The following GPC6 variants were observed in gnomAD, a reference collection of about 807,000 sequenced individuals.
GPC6 encodes the protein glypican 6, also known as glypican-6.
GPC6 carries 14 observed loss-of-function variants against 55.2 expected under a neutral mutation model. The ratio of observed to expected loss-of-function variants is 0.25; its 90% CI spans 0.17 to 0.40. GPC6 has a LOEUF of 0.40. Ranked by LOEUF, GPC6 falls within the 10% of genes least tolerant of loss-of-function variation. The probability of loss-of-function intolerance (pLI) is 1.00; values close to 1 mark genes in which losing one functional copy is unlikely to be tolerated. For synonymous variants in GPC6, 278 were observed against 259.6 expected, an observed-to-expected ratio of 1.07 and a Z score of -0.68; for missense variants, 641 against 708.5, an observed-to-expected ratio of 0.90 and a Z score of 1.08.
chr13:93,989,666 G>A (rs542468067), intron 3 of GPC6, among the ~76,000 whole-genome samples: 1 of 152,148 alleles, frequency 6.6e-6, no homozygotes, highest in African/African-American at 2.4e-5. Flanking sequence ...ATGTCAGACT[G>A]GAATTTCAAT....
At chr13:93,659,725 G>A (rs1050763465) in intron 2 of GPC6, among the ~76,000 whole-genome samples, 10 of 151,962 alleles carry the variant, frequency 6.6e-5, no homozygotes, top group African/African-American at 2.4e-4. Context: ...GAGGCACAGA[G>A]ATATTAAGTA....
chr13:93,879,041 C>CA (rs1370473429), intron 3 of GPC6, among the ~76,000 whole-genome samples: 2 of 151,984 alleles, frequency 1.3e-5, no homozygotes, highest in Non-Finnish European at 2.9e-5. Context: ...GAAGAGTAGT[C>CA]AAAAAAGCAA....
At chr13:94,188,805 T>C (rs927633134) in intron 4 of GPC6, among the ~76,000 whole-genome samples, 5 of 152,146 alleles carry the variant, frequency 3.3e-5, no homozygotes, top group African/African-American at 1.2e-4. Context: ...AGCTCCTTCA[T>C]ACTAAAGAAA....
At chr13:93,811,287 G>A (rs1048448955) in intron 2 of GPC6, among the ~76,000 whole-genome samples, 5 of 152,128 alleles carry the variant, frequency 3.3e-5, no homozygotes, top group African/African-American at 1.2e-4. Flanking sequence ...AAAGTGACAG[G>A]GAACATGGAC....
chr13:94,074,425 A>G (rs140728608), intron 4 of GPC6, among the ~76,000 whole-genome samples: 3 of 152,334 alleles, frequency 2.0e-5, no homozygotes, highest in Non-Finnish European at 4.4e-5. Flanking sequence ...CATTGTATTT[A>G]AACTACTTGA....
intron 1 of GPC6, among the ~76,000 whole-genome samples, chr13:93,507,943 A>G (rs560774387): frequency 6.6e-6 from 1 of 152,312 alleles, no homozygotes; most frequent in South Asian, 2.1e-4. Flanking sequence ...TAAAAAACTT[A>G]AGAAATCTAA....
chr13:94,007,046 T>G (rs1442664723), intron 3 of GPC6, among the ~76,000 whole-genome samples: 1 of 152,218 alleles, frequency 6.6e-6, no homozygotes, highest in Non-Finnish European at 1.5e-5. Context: ...ACTTACAAAC[T>G]AATTTTTAAA....
chr13:93,514,022 C>T (rs1251588957), intron 1 of GPC6, among the ~76,000 whole-genome samples: 2 of 151,808 alleles, frequency 1.3e-5, no homozygotes, highest in Non-Finnish European at 1.5e-5. Context: ...TACAGGCACC[C>T]ACCACCACGC....
At chr13:94,296,550 C>G (rs1875344411) in intron 5 of GPC6, among the ~76,000 whole-genome samples, 1 of 152,198 alleles carries the variant, frequency 6.6e-6, no homozygotes, top group African/African-American at 2.4e-5. Flanking sequence ...TGGCCTCTGC[C>G]CAGTCTCATA....
chr13:93,696,479 A>G (rs1276655544), intron 2 of GPC6, among the ~76,000 whole-genome samples: 2 of 152,112 alleles, frequency 1.3e-5, no homozygotes, highest in African/African-American at 2.4e-5. Context: ...ATATAACTTC[A>G]TCATTAGCTA....
In GPC6 at chr13:93,247,995, T is replaced by G. The variant is rs1203495271; in HGVS notation, c.160+20379T>G. ...TTCCATTTTGTTGTTAACACAAAAT[T>G]TAACTAATTAACTGAATCAGTTACT... is the stretch of plus-strand genomic sequence containing the variant. On this transcript the variant is annotated intron_variant, in intron 1 of 8. Transcript: ENST00000377047. 3.3e-5 allele frequency among the ~76,000 whole-genome samples: 5 copies of G among 152,298 alleles called. No individual in the cohort carries two copies. In the East Asian group the frequency reaches 7.7e-4, roughly 23 times the overall value.
intron 2 of GPC6, among the ~76,000 whole-genome samples, chr13:93,565,934 C>A (rs200433227): frequency 2.7e-3 from 364 of 134,422 alleles, no homozygotes; most frequent in Non-Finnish European, 3.2e-3. Context: ...AACAAACAAA[C>A]AAAAAAAAAA....
chr13:94,057,392 A>G (rs2138762552), intron 4 of GPC6, among the ~76,000 whole-genome samples: 1 of 152,320 alleles, frequency 6.6e-6, no homozygotes, highest in South Asian at 2.1e-4. Context: ...TCCAATGTTC[A>G]TTGAGACTAT....
chr13:94,055,808 A>T (rs1884112761), intron 4 of GPC6, among the ~76,000 whole-genome samples: 1 of 152,184 alleles, frequency 6.6e-6, no homozygotes, highest in Non-Finnish European at 1.5e-5. Context: ...AAAAAACAAA[A>T]AGTAAAAAAA....
chr13:93,509,486 A>G (rs1315228841), intron 1 of GPC6, among the ~76,000 whole-genome samples: 1 of 152,250 alleles, frequency 6.6e-6, no homozygotes, highest in Non-Finnish European at 1.5e-5. Context: ...GGGTCTGAGA[A>G]CAAGCCTTGT....
chr13:94,092,491 C>A (rs1457064760), intron 4 of GPC6, among the ~76,000 whole-genome samples: 1 of 152,064 alleles, frequency 6.6e-6, no homozygotes, highest in African/African-American at 2.4e-5. Flanking sequence ...ACATAGTATT[C>A]CATTGTGTAT....
At chr13:93,884,008 A>C (rs948448443) in intron 3 of GPC6, among the ~76,000 whole-genome samples, 2 of 152,136 alleles carry the variant, frequency 1.3e-5, no homozygotes, top group African/African-American at 2.4e-5. Flanking sequence ...AAAGACACCG[A>C]AGTTTTTTGT....
intron 1 of GPC6, among the ~76,000 whole-genome samples, chr13:93,276,312 A>G (rs1250032543): frequency 1.3e-5 from 2 of 152,126 alleles, no homozygotes; most frequent in Non-Finnish European, 2.9e-5. Flanking sequence ...CTGGTCACAG[A>G]CTGAGCTCTG....
chr13:94,360,716 C>G (rs562386719), intron 6 of GPC6, among the ~76,000 whole-genome samples: 12 of 152,120 alleles, frequency 7.9e-5, no homozygotes, highest in Admixed American at 2.6e-4. Flanking sequence ...CCTCCTCCCC[C>G]CAAATATATT....
Sources: allele counts gnomAD v4.1 joint callset (sites outside exome capture counted in the v4.1 genomes callset), GRCh38; gene constraint gnomAD v4.1.1; transcripts MANE v1.5; gene names NCBI Gene and HGNC (gene_info 2026-07-23, HGNC 2026-07-21).